Variants in PRDM16 observed in about 807,000 individuals in gnomAD.
PRDM16 encodes the protein PR/SET domain 16, also known as histone-lysine N-methyltransferase PRDM16.
PRDM16 carries 23 observed loss-of-function variants against 110.6 expected under a neutral mutation model. The observed-to-expected ratio is 0.21, with a 90% CI of 0.15 to 0.29. The LOEUF (loss-of-function observed/expected upper bound fraction) is 0.29. Ranked by LOEUF, PRDM16 falls within the 10% of genes least tolerant of loss-of-function variation. The pLI, the probability that PRDM16 is intolerant of heterozygous loss-of-function variation, is 1.00. For synonymous variants in PRDM16, 799 were observed against 781.8 expected, an observed-to-expected ratio of 1.02 and a Z score of -0.37; for missense variants, 1,615 against 1,794.3, an observed-to-expected ratio of 0.90 and a Z score of 1.81.
At position 3,148,514 on chromosome 1, in the gene PRDM16, G is replaced by T. The variant is rs1400452337; in HGVS notation, c.38-37611G>T. ...GCCTCACCTTCCCTGCTTCTGAGGG[G>T]GCAGCTCCCCATAGTGGTGGCCCAG... On this transcript the variant is annotated intron_variant, in intron 1 of 16. Transcript: ENST00000270722. This position sits in a 1 kb window ranked among gnomAD's most constrained non-coding sequence, Gnocchi z 5.0. 6.6e-6 allele frequency among the ~76,000 whole-genome samples: 1 copy of T among 152,130 alleles called. No homozygotes were observed. Among genetic ancestry groups the T allele is most frequent in the African/African-American group, 2.4e-5 (1 of 41,412 alleles).
chr1:3,244,955 T>G lies in PRDM16; in HGVS notation c.438+818T>G, dbSNP rs892466497. ...TGATCTCCTATTTTTTGGGGGGGGGTTTCTAGTAAAATTAAAGTAACAGTC... is the reference window on the plus strand; with the variant it reads ...TGATCTCCTATTTTTTGGGGGGGGGGTTCTAGTAAAATTAAAGTAACAGTC... On this transcript the variant is annotated intron_variant, in intron 3 of 16. Transcript: ENST00000270722. The surrounding 1 kb of genome is among the most constrained non-coding windows in gnomAD (Gnocchi z 4.1). Among the ~76,000 whole-genome samples the G allele has an allele frequency of 5.4e-5, 8 of 148,574 alleles. No homozygotes were observed. The highest frequency in any genetic ancestry group is 2.0e-4 in the Admixed American group (3 of 14,868).
chr1:3,357,195 C>T (rs1238126629), intron 3 of PRDM16, among the ~76,000 whole-genome samples: 4 of 152,180 alleles, frequency 2.6e-5, no homozygotes, highest in Admixed American at 2.6e-4. Context: ...CACCTGCGGG[C>T]GGACCTGGCT....
intron 3 of PRDM16, among the ~76,000 whole-genome samples, chr1:3,348,774 G>A (rs762072853): frequency 4.6e-5 from 7 of 152,206 alleles, no homozygotes; most frequent in African/African-American, 1.7e-4. Context: ...TGAGCCTGGG[G>A]TGGGGGCCCT....
intron 14 of PRDM16, among the ~76,000 whole-genome samples, 183 bp from the exon 15 acceptor site, chr1:3,430,689 T>G (rs1638740251): frequency 6.6e-6 from 1 of 152,148 alleles, no homozygotes; most frequent in Non-Finnish European, 1.5e-5. Context: ...CCCCCAGGCC[T>G]CCGTGCCTCT....
intron 2 of PRDM16, among the ~76,000 whole-genome samples, chr1:3,238,450 A>C (rs1296294533): frequency 6.6e-6 from 1 of 152,256 alleles, no homozygotes; most frequent in African/African-American, 2.4e-5. Flanking sequence ...AGCTAAAAGC[A>C]GTGTCCAAGG....
chr1:3,402,456 G>T lies in PRDM16; in HGVS notation c.677-335G>T, dbSNP rs564746949. 3.3e-5 allele frequency among the ~76,000 whole-genome samples: 5 copies of T among 152,372 alleles called. No individual in the cohort carries two copies. In the South Asian group the frequency reaches 8.3e-4, roughly 25 times the overall value. ...ATTCATAAACAAAGCACTTGGCCCG[G>T]CTTCCTCCTCCACTCCCGAGCGGGG... On this transcript the variant is annotated intron_variant, in intron 5 of 16. Coordinates refer to ENST00000270722, the MANE Select transcript of PRDM16 (RefSeq NM_022114.4).
chr1:3,114,760 G>A (rs1642917358), intron 1 of PRDM16, among the ~76,000 whole-genome samples: 1 of 152,242 alleles, frequency 6.6e-6, no homozygotes, highest in Non-Finnish European at 1.5e-5. Context: ...CCCCTGACGG[G>A]GAGCTCCTGC....
At chr1:3,162,650 A>T (rs1399356115) in intron 1 of PRDM16, among the ~76,000 whole-genome samples, 1 of 152,244 alleles carries the variant, frequency 6.6e-6, no homozygotes, top group Non-Finnish European at 1.5e-5. Flanking sequence ...CCGTGCGCCG[A>T]TGGAGGCGAA....
Position 3,290,426 on chromosome 1 carries a change from G to C in PRDM16, c.438+46289G>C, listed in dbSNP as rs1433839531. 6.6e-6 allele frequency among the ~76,000 whole-genome samples: 1 copy of C among 152,226 alleles called. No homozygotes were observed. The highest frequency in any genetic ancestry group is 2.1e-4 in the South Asian group (1 of 4,836). On this transcript the variant is annotated intron_variant, in intron 3 of 16. Coordinates refer to ENST00000270722, the MANE Select transcript of PRDM16 (RefSeq NM_022114.4). This position sits in a 1 kb window ranked among gnomAD's most constrained non-coding sequence, Gnocchi z 4.8. ...AATTTGCCGGTTCCCCAAAGAGCCT[G>C]CTGCCTCCACCTGCTGTGTTCGAAG... is the stretch of plus-strand genomic sequence containing the variant.
At chr1:3,292,087 G>C (rs1009456401) in intron 3 of PRDM16, among the ~76,000 whole-genome samples, 1 of 151,658 alleles carries the variant, frequency 6.6e-6, no homozygotes, top group Admixed American at 6.5e-5. Context: ...GGAGAGGGCA[G>C]ATTTTCTGGG....
intron 4 of PRDM16, among the ~76,000 whole-genome samples, chr1:3,394,722 C>T (rs909153789): frequency 1.3e-5 from 2 of 152,226 alleles, no homozygotes; most frequent in African/African-American, 4.8e-5. Context: ...CTCACGGCAC[C>T]GCTCAGAGGG....
rs1642460279 is a variant in PRDM16 at position 3,350,451 on chromosome 1, G to C, written c.439-34701G>C. The stretch of plus-strand genomic sequence containing the variant: ...TACTGCTCCGTCTGTGCAGCCTGGG[G>C]CTGCAGTCAGGGTCAGGTTTGGTGA... On this transcript the variant is annotated intron_variant, in intron 3 of 16. Transcript: ENST00000270722. The surrounding 1 kb of genome is among the most constrained non-coding windows in gnomAD (Gnocchi z 7.1). 6.6e-6 allele frequency among the ~76,000 whole-genome samples: 1 copy of C among 152,186 alleles called. No individual in the cohort carries two copies. Among genetic ancestry groups the C allele is most frequent in the Non-Finnish European group, 1.5e-5 (1 of 68,010 alleles).
At position 3,279,556 on chromosome 1, in the gene PRDM16, C is replaced by T. The variant is rs191028276; in HGVS notation, c.438+35419C>T. Among the ~76,000 whole-genome samples the T allele has an allele frequency of 3.6e-3, 552 of 152,354 alleles. 6 individuals carry two copies. Among genetic ancestry groups the T allele is most frequent in the African/African-American group, 0.011 (466 of 41,584 alleles). On this transcript the variant is annotated intron_variant, in intron 3 of 16. Coordinates refer to ENST00000270722, the MANE Select transcript of PRDM16 (RefSeq NM_022114.4). ...GCCGGAGACCCCTTGTGACTGGGCTCTCTGTGGATGACAAAAGGAAAGACT... is the reference window on the plus strand; with the variant it reads ...GCCGGAGACCCCTTGTGACTGGGCTTTCTGTGGATGACAAAAGGAAAGACT...
chr1:3,088,448 A>ATTATTTATTTAT (rs1553122533), intron 1 of PRDM16, among the ~76,000 whole-genome samples: 8 of 146,026 alleles, frequency 5.5e-5, no homozygotes, highest in African/African-American at 1.8e-4. Context: ...GGATTCTTTT[A>ATTATTTATTTAT]TTATTTATTT....
intron 1 of PRDM16, among the ~76,000 whole-genome samples, chr1:3,129,466 T>G (rs1012892878): frequency 2.0e-5 from 3 of 150,050 alleles, no homozygotes; most frequent in Non-Finnish European, 4.5e-5. Context: ...TGTGTGCATG[T>G]GTGTGTGTGT....
At chr1:3,299,970 C>T (rs1428541004) in intron 3 of PRDM16, among the ~76,000 whole-genome samples, 13 of 81,624 alleles carry the variant, frequency 1.6e-4, no homozygotes, top group East Asian at 1.2e-3. Context: ...ATGCTGTGGC[C>T]GTGATGTTTC....
At chr1:3,278,238 C>T (rs997666237) in intron 3 of PRDM16, among the ~76,000 whole-genome samples, 1 of 152,244 alleles carries the variant, frequency 6.6e-6, no homozygotes, top group Non-Finnish European at 1.5e-5. Context: ...GGCCATGCTG[C>T]ATCTCCTCCA....
At chr1:3,109,730 C>T (rs1299116250) in intron 1 of PRDM16, among the ~76,000 whole-genome samples, 2 of 152,210 alleles carry the variant, frequency 1.3e-5, no homozygotes, top group East Asian at 3.9e-4. Context: ...GACATGAAAG[C>T]AAACGAGTAT....
chr1:3,181,458 ACACG>A lies in PRDM16; in HGVS notation c.38-4666_38-4663del, dbSNP rs1240914758. Among the ~76,000 whole-genome samples the A allele has an allele frequency of 1.3e-3, 59 of 45,188 alleles. 9 individuals are homozygous for A. Among genetic ancestry groups the A allele is most frequent in the Non-Finnish European group, 3.3e-3 (48 of 14,656 alleles). 29.6% of individuals were successfully genotyped at this position (45,188 alleles called of 152,430 possible). A position where few individuals can be genotyped will look rare whatever the true frequency, so the allele number is the denominator to read the frequency against. The stretch of plus-strand genomic sequence containing the variant: ...CACAAGCAGTCTTACACGGTCTTAC[ACACG>A]GTCTTACACACGCAGTCTTACACAC... On this transcript the variant is annotated intron_variant, in intron 1 of 16. Transcript: ENST00000270722.
Sources: allele counts gnomAD v4.1 joint callset (sites outside exome capture counted in the v4.1 genomes callset), GRCh38; gene constraint gnomAD v4.1.1; non-coding constraint Gnocchi (gnomAD v3.1); transcripts MANE v1.5; gene names NCBI Gene and HGNC (gene_info 2026-07-23, HGNC 2026-07-21).